The following HIKESHI variants were observed in gnomAD, a reference collection of about 807,000 sequenced individuals.
The protein encoded by HIKESHI is heat shock protein nuclear import factor hikeshi.
A neutral mutation model predicts 25.7 loss-of-function variants in HIKESHI; 13 were observed. That is an observed-to-expected ratio of 0.51 (90% CI 0.33 to 0.80). The LOEUF is 0.80. Among genes scored for constraint, HIKESHI ranks in the 30% least tolerant of loss-of-function variants. The pLI is 0.02. For synonymous variants in HIKESHI, 76 were observed against 78.7 expected (o/e 0.97, Z 0.18); for missense variants, 174 against 229.5 (o/e 0.76, Z 1.56).
chr11:86,318,100 C>T (rs1343651811), intron 2 of HIKESHI, among the ~76,000 whole-genome samples: 1 of 151,500 alleles, frequency 6.6e-6, no homozygotes, highest in Admixed American at 6.6e-5. Context: ...GTCAGGAGAT[C>T]AAGACCATCC....
intron 2 of HIKESHI, among the ~76,000 whole-genome samples, chr11:86,310,486 A>G (rs1180122305): frequency 6.6e-6 from 1 of 152,070 alleles, no homozygotes; most frequent in East Asian, 1.9e-4. Flanking sequence ...GGGGTTTTCT[A>G]AATACACAAT....
At chr11:86,336,509 G>A (rs7122914) in intron 2 of HIKESHI, among the ~76,000 whole-genome samples, 94,131 of 151,872 alleles carry the variant, frequency 0.62, 29,356 homozygotes, top group East Asian at 0.79. Flanking sequence ...ACAGTGAGAA[G>A]GCACTGTCTG....
At chr11:86,332,511 C>G (rs546706900) in intron 2 of HIKESHI, among the ~76,000 whole-genome samples, 1 of 152,154 alleles carries the variant, frequency 6.6e-6, no homozygotes, top group Admixed American at 6.5e-5. Flanking sequence ...TTGCAATTAC[C>G]ATATGGACCA....
At chr11:86,302,944 A>G (rs568969011) in intron 1 of HIKESHI, among the ~76,000 whole-genome samples, 2 of 152,302 alleles carry the variant, frequency 1.3e-5, no homozygotes, top group East Asian at 3.9e-4. Flanking sequence ...TTCAAAGATT[A>G]AGGTGCTCAG....
chr11:86,327,172 T>C (rs764213900), intron 2 of HIKESHI, among the ~76,000 whole-genome samples: 33 of 152,296 alleles, frequency 2.2e-4, no homozygotes, highest in Non-Finnish European at 3.4e-4. Context: ...GAAGGTGTTA[T>C]AATGATTGAA....
intron 2 of HIKESHI, among the ~76,000 whole-genome samples, chr11:86,333,512 G>A (rs1339340524): frequency 6.6e-6 from 1 of 150,902 alleles, no homozygotes; most frequent in Admixed American, 6.6e-5. Flanking sequence ...TCCAGCCTGG[G>A]CAACAGAGTG....
chr11:86,332,889 A>G (rs1463013714), intron 2 of HIKESHI, among the ~76,000 whole-genome samples: 2 of 152,206 alleles, frequency 1.3e-5, no homozygotes, highest in East Asian at 3.8e-4. Flanking sequence ...TTAACCTACA[A>G]TTTTCATGTT....
chr11:86,344,845 G>A (rs1947830718), intron 4 of HIKESHI, 124 bp downstream of exon 4: 1 of 698,584 alleles, frequency 1.4e-6, no homozygotes, highest in South Asian at 1.9e-5. Flanking sequence ...AGCACTGCAT[G>A]CCATTAAAGT....
chr11:86,328,932 G>A lies in HIKESHI; in HGVS notation c.269-8447G>A, dbSNP rs547112246. On this transcript the variant is annotated intron_variant, in intron 2 of 4. Transcript: ENST00000278483. The stretch of plus-strand genomic sequence containing the variant: ...TGTGTGTGTGTGTGTGTGTGTGCGC[G>A]CACACACACACACACGCTCCTCACA... Among the ~76,000 whole-genome samples, 372 of 135,390 alleles carry A rather than the reference G, an allele frequency of 2.7e-3. 3 individuals carry two copies. The highest frequency in any genetic ancestry group is 9.3e-3 in the African/African-American group (349 of 37,384). 88.8% of individuals were successfully genotyped at this position (135,390 alleles called of 152,430 possible). A position where few individuals can be genotyped will look rare whatever the true frequency, so the allele number is the denominator to read the frequency against.
At chr11:86,332,383 G>A (rs57829583) in intron 2 of HIKESHI, among the ~76,000 whole-genome samples, 13,365 of 151,886 alleles carry the variant, frequency 0.088, 884 homozygotes, top group African/African-American at 0.18. Context: ...TAGAAGGATT[G>A]GTACTTCATG....
In HIKESHI at chr11:86,306,492, ATATAT is replaced by A. The variant is rs1447504622; in HGVS notation, c.268+13_268+17del. On this transcript the variant is annotated intron_variant, in intron 2 of 4. Transcript: ENST00000278483. ...TCAGGTCTTAAATCTGGTAAGAATA[ATATAT>A]TAAAGTAGTTTTATAATTAATCAAA... 1.3e-6 allele frequency: 2 copies of A among 1,503,154 alleles called. No individual in the cohort carries two copies. Among genetic ancestry groups the A allele is most frequent in the Non-Finnish European group, 1.8e-6 (2 of 1,087,930 alleles). The allele number at this position is 1,503,154 out of a possible 1,614,324, so 93.1% of individuals were successfully genotyped here.
At chr11:86,306,544 C>T in intron 2 of HIKESHI, 62 bp downstream of exon 2, 1 of 963,300 alleles carries the variant, frequency 1.0e-6, no homozygotes, top group Non-Finnish European at 1.6e-6. Context: ...AATAGCATAA[C>T]ATGGAATATG....
At chr11:86,315,694 C>T (rs921222448) in intron 2 of HIKESHI, among the ~76,000 whole-genome samples, 6 of 54,854 alleles carry the variant, frequency 1.1e-4, no homozygotes, top group Middle Eastern at 9.3e-3. Context: ...AGACCATTAG[C>T]GAAAGAACTA....
intron 2 of HIKESHI, among the ~76,000 whole-genome samples, chr11:86,330,308 G>A (rs1169452659): frequency 1.3e-5 from 2 of 152,132 alleles, no homozygotes; most frequent in Non-Finnish European, 2.9e-5. Context: ...CCCACTTAGT[G>A]AAGTTCTGAA....
At chr11:86,339,577 TCTAA>T (rs1454698744) in intron 3 of HIKESHI, among the ~76,000 whole-genome samples, 1 of 152,214 alleles carries the variant, frequency 6.6e-6, no homozygotes, top group Non-Finnish European at 1.5e-5. Context: ...CCTTTTACCT[TCTAA>T]CTTTTTATAT....
At chr11:86,313,970 A>C (rs956802910) in intron 2 of HIKESHI, among the ~76,000 whole-genome samples, 2 of 152,224 alleles carry the variant, frequency 1.3e-5, no homozygotes, top group African/African-American at 2.4e-5. Flanking sequence ...TATGTGAGAA[A>C]GATAGGCATG....
intron 2 of HIKESHI, among the ~76,000 whole-genome samples, chr11:86,328,483 G>A (rs1947341453): frequency 6.7e-6 from 1 of 150,094 alleles, no homozygotes; most frequent in Admixed American, 6.7e-5. Flanking sequence ...CGAGGCTGGT[G>A]TGCAGTGGCA....
chr11:86,328,661 C>G (rs1397363142), intron 2 of HIKESHI, among the ~76,000 whole-genome samples: 3 of 152,180 alleles, frequency 2.0e-5, no homozygotes, highest in Admixed American at 6.5e-5. Context: ...CCAGGCTGGT[C>G]TTGAACTCCT....
chr11:86,334,182 T>A (rs1947487163), intron 2 of HIKESHI, among the ~76,000 whole-genome samples: 1 of 152,132 alleles, frequency 6.6e-6, no homozygotes, highest in South Asian at 2.1e-4. Flanking sequence ...AGAAAAAATC[T>A]AATAAAGTTG....
Sources: allele counts gnomAD v4.1 joint callset (sites outside exome capture counted in the v4.1 genomes callset), GRCh38; gene constraint gnomAD v4.1.1; transcripts MANE v1.5; gene names NCBI Gene and HGNC (gene_info 2026-07-23, HGNC 2026-07-21).